DCAKD: variants seen among roughly 807,000 people sequenced by gnomAD.
The protein encoded by DCAKD is dephospho-CoA kinase domain containing.
DCAKD carries 15 observed loss-of-function variants against 18.7 expected under a neutral mutation model. The ratio of observed to expected loss-of-function variants is 0.80; its 90% CI spans 0.54 to 1.24. The LOEUF (loss-of-function observed/expected upper bound fraction) is 1.24, where lower values mean the gene tolerates loss of function less well. DCAKD is among the 50% of genes most tolerant of loss of function. The probability of loss-of-function intolerance (pLI) is 0.00; values close to 1 mark genes in which losing one functional copy is unlikely to be tolerated. For missense variants in DCAKD, 301 were observed against 322.0 expected, an observed-to-expected ratio of 0.93 and a Z score of 0.50; for synonymous variants, 130 against 133.0, an observed-to-expected ratio of 0.98 and a Z score of 0.16.
intron 4 of DCAKD, among the ~76,000 whole-genome samples, chr17:45,026,100 G>A (rs952622293): frequency 1.3e-5 from 2 of 151,756 alleles, no homozygotes; most frequent in African/African-American, 4.8e-5. Context: ...TGTATTTTTA[G>A]TAGAGACGGG....
intron 1 of DCAKD, 69 bp from the exon 2 acceptor site, chr17:45,035,068 A>G: frequency 1.6e-6 from 1 of 607,526 alleles, no homozygotes; most frequent in South Asian, 1.9e-5. Context: ...AGGCAAAGGA[A>G]GTAAAGGGAG....
chr17:45,059,277 A>G (rs896958602), intron 1 of DCAKD, among the ~76,000 whole-genome samples: 1 of 152,108 alleles, frequency 6.6e-6, no homozygotes, highest in Non-Finnish European at 1.5e-5. Context: ...AGAGTTGACT[A>G]TATTTAGTTC....
At chr17:45,059,514 C>T (rs912194766) in intron 1 of DCAKD, among the ~76,000 whole-genome samples, 2 of 152,282 alleles carry the variant, frequency 1.3e-5, no homozygotes, top group African/African-American at 4.8e-5. Flanking sequence ...GGCGAGATTA[C>T]TCAATCAAAA....
intron 4 of DCAKD, among the ~76,000 whole-genome samples, chr17:45,027,892 A>G (rs943429848): frequency 3.3e-5 from 5 of 151,168 alleles, no homozygotes; most frequent in Admixed American, 3.3e-4. Context: ...AGGCTGAGGC[A>G]GGAGAATCAC....
At chr17:45,050,807 G>T (rs922781728) in intron 1 of DCAKD, among the ~76,000 whole-genome samples, 8 of 148,524 alleles carry the variant, frequency 5.4e-5, no homozygotes, top group African/African-American at 2.1e-4. Flanking sequence ...CACAACTAAG[G>T]GAGAGTGAAA....
At chr17:45,032,315 G>A (rs1323765335) in intron 3 of DCAKD, among the ~76,000 whole-genome samples, 5 of 152,070 alleles carry the variant, frequency 3.3e-5, no homozygotes, top group Non-Finnish European at 7.4e-5. Flanking sequence ...GTTCAGCAGA[G>A]AAGATGCGGG....
intron 1 of DCAKD, among the ~76,000 whole-genome samples, chr17:45,060,688 G>A (rs970194374): frequency 6.6e-6 from 1 of 152,194 alleles, no homozygotes; most frequent in Admixed American, 6.5e-5. Flanking sequence ...CCTGGCTTAG[G>A]GTCAGTGCTT....
intron 1 of DCAKD, among the ~76,000 whole-genome samples, chr17:45,042,422 C>T (rs552433769): frequency 4.6e-5 from 7 of 152,324 alleles, no homozygotes; most frequent in African/African-American, 1.7e-4. Flanking sequence ...TCAACAGACC[C>T]GCCCCTGCGT....
upstream of DCAKD, among the ~76,000 whole-genome samples, chr17:45,054,860 C>CACA (rs2053763858): frequency 6.6e-6 from 1 of 152,138 alleles, no homozygotes; most frequent in South Asian, 2.1e-4. Flanking sequence ...CTTCCTGGGA[C>CACA]ACAGTGTTAG....
At chr17:45,054,988 A>G (rs2053765659), upstream of DCAKD, among the ~76,000 whole-genome samples, 1 of 152,196 alleles carries the variant, frequency 6.6e-6, no homozygotes, top group Admixed American at 6.6e-5. Flanking sequence ...ATTTGCCAAA[A>G]GCAGCTGCAC....
chr17:45,024,622 G>T lies in DCAKD; in HGVS notation c.507C>A (p.Ala169=). 1 of 1,613,934 alleles carries T rather than the reference G, an allele frequency of 6.2e-7. No individual in the cohort carries two copies. The highest frequency in any genetic ancestry group is 2.2e-5 in the East Asian group (1 of 44,882). ...INAQLPLTDK[A]RMARHVLDNS... ...TGTCTAGGACATGGCGGGCCATGCG[G>T]GCCTTGTCTGTCAGGGGCAGCTGGG... Residue 169 remains alanine (A), a synonymous_variant, in exon 5 of 5, where the codon GCC becomes GCA. Coordinates refer to ENST00000651974, the MANE Select transcript of DCAKD (RefSeq NM_001288655.2).
chr17:45,034,210 T>C lies in DCAKD; in HGVS notation c.293A>G (p.Glu98Gly). Residue 98 changes from glutamate (E) to glycine (G), a missense_variant, in exon 3 of 5, where the codon GAG (glutamate) becomes GGG (glycine). Transcript: ENST00000651974. ...HPEIRKEMMK[E>G]TFKYFLRGYR... is the part of the protein sequence containing the mutation. ...ACCCCGGAGGAAGTACTTGAACGTC[T>C]CCTTCATCATCTCCTTGCGAATCTC... 6.2e-7 allele frequency: 1 copy of C among 1,613,730 alleles called. No homozygotes were observed. Among genetic ancestry groups the C allele is most frequent in the Non-Finnish European group, 8.5e-7 (1 of 1,179,896 alleles).
chr17:45,046,872 G>A (rs894803951), intron 1 of DCAKD, among the ~76,000 whole-genome samples: 11 of 152,046 alleles, frequency 7.2e-5, no homozygotes, highest in Admixed American at 6.6e-4. Flanking sequence ...ACTGAGGTGA[G>A]GTGCACGGTC....
chr17:45,036,175 C>T (rs928308905), intron 1 of DCAKD, among the ~76,000 whole-genome samples: 2 of 152,210 alleles, frequency 1.3e-5, no homozygotes, highest in African/African-American at 4.8e-5. Context: ...AAGCCGCTTG[C>T]CTCCCTGAAC....
chr17:45,045,518 G>A (rs1458950857), intron 1 of DCAKD, among the ~76,000 whole-genome samples: 1 of 152,018 alleles, frequency 6.6e-6, no homozygotes, highest in Non-Finnish European at 1.5e-5. Flanking sequence ...GATCACTTGA[G>A]GTCAGGAGTT....
At chr17:45,024,776 G>C in intron 4 of DCAKD, 52 bp from the exon 5 acceptor site, 3 of 1,515,090 alleles carry the variant, frequency 2.0e-6, no homozygotes, top group Non-Finnish European at 2.6e-6. Flanking sequence ...CTCACCCCAA[G>C]TTACAGGGAT....
chr17:45,060,545 G>T (rs576083426), intron 1 of DCAKD, among the ~76,000 whole-genome samples: 75 of 152,012 alleles, frequency 4.9e-4, no homozygotes, highest in African/African-American at 1.3e-3. Flanking sequence ...GAAAAGAAAA[G>T]AAAAAAAGGG....
chr17:45,024,701 C>A lies in DCAKD; in HGVS notation c.428G>T (p.Arg143Leu), dbSNP rs780996637. The A allele has an allele frequency of 2.5e-6, 4 of 1,588,518 alleles. No individual in the cohort carries two copies. Among genetic ancestry groups the A allele is most frequent in the South Asian group, 2.2e-5 (2 of 89,216 alleles). The change falls in exon 5 of 5, where the codon CGG (arginine) becomes CTG (leucine). Residue 143 changes from arginine to leucine, a missense_variant. Transcript: ENST00000651974. ...GTTCAGGCTGTTCCGCCGCATCAGC[C>A]GTGCCAGCTGTGTGTCCCGGTCGCT... ...VYCDRDTQLARLMRRNSLNRK... is the reference protein window; with the variant it reads ...VYCDRDTQLALLMRRNSLNRK...
At chr17:45,040,458 TTCC>T (rs1005067449) in intron 1 of DCAKD, among the ~76,000 whole-genome samples, 15 of 151,472 alleles carry the variant, frequency 9.9e-5, no homozygotes, top group African/African-American at 3.6e-4. Flanking sequence ...CCTGGGAATC[TTCC>T]TCCTCAACAC....
Sources: allele counts gnomAD v4.1 joint callset (sites outside exome capture counted in the v4.1 genomes callset), GRCh38; gene constraint gnomAD v4.1.1; transcripts MANE v1.5; gene names NCBI Gene and HGNC (gene_info 2026-07-23, HGNC 2026-07-21).